PRSS58: variants seen among roughly 807,000 people sequenced by gnomAD.
PRSS58 encodes serine protease 58, also known as protease, serine 58.
Under a neutral mutation model 25.0 loss-of-function variants are expected in PRSS58, and 31 were observed. The observed-to-expected ratio is 1.24, with a 90% CI of 0.93 to 1.67. The LOEUF (loss-of-function observed/expected upper bound fraction) is 1.67. PRSS58 is among the 40% of genes most tolerant of loss of function. The pLI, the probability that PRSS58 is intolerant of heterozygous loss-of-function variation, is 0.00. For synonymous variants in PRSS58, 119 were observed against 106.1 expected, an observed-to-expected ratio of 1.12 and a Z score of -0.75; for missense variants, 324 against 287.9, an observed-to-expected ratio of 1.13 and a Z score of -0.91.
At chr7:142,253,308 A>G (rs554901314) in intron 4 of PRSS58, among the ~76,000 whole-genome samples, 1 of 152,304 alleles carries the variant, frequency 6.6e-6, no homozygotes, top group South Asian at 2.1e-4. Flanking sequence ...TCAAAACAAA[A>G]CCGAGTATCT....
intron 4 of PRSS58, among the ~76,000 whole-genome samples, chr7:142,253,919 T>C (rs1256799057): frequency 6.6e-6 from 1 of 152,178 alleles, no homozygotes; most frequent in African/African-American, 2.4e-5. Flanking sequence ...TTCTACTTAT[T>C]GATATATTCA....
chr7:142,257,290 T>A (rs919164074), intron 2 of PRSS58, among the ~76,000 whole-genome samples: 1 of 152,140 alleles, frequency 6.6e-6, no homozygotes, highest in Non-Finnish European at 1.5e-5. Context: ...AGAGAGGATT[T>A]ATGAATAAGC....
At chr7:142,257,632 T>C (rs1165502408) in intron 2 of PRSS58, 36 bp downstream of exon 2, 1 of 1,573,262 alleles carries the variant, frequency 6.4e-7, no homozygotes, top group Non-Finnish European at 8.7e-7. Context: ...AGGATTTCTC[T>C]TTGGTGGGTA....
chr7:142,253,880 A>C (rs945698977), intron 4 of PRSS58, among the ~76,000 whole-genome samples: 2 of 152,182 alleles, frequency 1.3e-5, no homozygotes, highest in Non-Finnish European at 2.9e-5. Context: ...CTTTCCAAAA[A>C]TCAAATTGAC....
At chr7:142,255,462 C>G (rs764288890) in intron 3 of PRSS58, 73 bp downstream of exon 3, 6 of 1,604,742 alleles carry the variant, frequency 3.7e-6, no homozygotes, top group Non-Finnish European at 5.1e-6. Flanking sequence ...GAGATGGTCT[C>G]AGACAGGGGT....
chr7:142,255,447 A>G, intron 3 of PRSS58, 88 bp downstream of exon 3: 1 of 1,598,716 alleles, frequency 6.3e-7, no homozygotes, highest in African/African-American at 1.3e-5. Flanking sequence ...ATCCCATTTA[A>G]TTGGGAGATG....
At chr7:142,257,344 T>C (rs1051769133) in intron 2 of PRSS58, among the ~76,000 whole-genome samples, 5 of 152,232 alleles carry the variant, frequency 3.3e-5, no homozygotes, top group Non-Finnish European at 5.9e-5. Context: ...AGGAGATATC[T>C]GATTCTTCAA....
At chr7:142,255,741 G>C (rs900880660) in intron 2 of PRSS58, 68 bp from the exon 3 acceptor site, 1 of 1,434,950 alleles carries the variant, frequency 7.0e-7, no homozygotes, top group Non-Finnish European at 9.4e-7. Flanking sequence ...CTTCAGGAAA[G>C]TCATTTAATA....
intron 4 of PRSS58, 87 bp from the exon 5 acceptor site, chr7:142,252,698 A>C: frequency 7.3e-7 from 1 of 1,364,800 alleles, no homozygotes; most frequent in Non-Finnish European, 9.9e-7. Flanking sequence ...TTCTACCATC[A>C]GAAATTAAAA....
intron 3 of PRSS58, 86 bp downstream of exon 3, chr7:142,255,449 T>A: frequency 1.3e-6 from 2 of 1,599,128 alleles, no homozygotes; most frequent in Non-Finnish European, 8.6e-7. Flanking sequence ...CCCATTTAAT[T>A]GGGAGATGGT....
rs1344883342 is a variant in PRSS58, at chr7:142,255,228, A to G, written c.263T>C (p.Ile88Thr). 2.5e-6 allele frequency: 4 copies of G among 1,613,904 alleles called. No individual in the cohort carries two copies. Among genetic ancestry groups the G allele is most frequent in the Middle Eastern group, 3.3e-4 (2 of 6,060 alleles). The change falls in exon 4 of 6, where the codon ATT becomes ACT. Residue 88 changes from isoleucine to threonine, a missense_variant. Coordinates refer to ENST00000547058, the MANE Select transcript of PRSS58 (RefSeq NM_001001317.5). ...AGTGACTGAGAAGTGTGGATGATGA[A>G]TCATCTTCTCATAGCCAATCACTTG... is the stretch of plus-strand genomic sequence containing the variant. ...HLQVIGYEKMIHHPHFSVTSI... is the reference protein window; with the variant it reads ...HLQVIGYEKMTHHPHFSVTSI...
rs115730119 is a variant in PRSS58, at chr7:142,255,304, G to A, written c.187C>T (p.Arg63Trp). 4.5e-4 allele frequency: 720 copies of A among 1,613,484 alleles called. 2 individuals carry two copies. In the African/African-American group the frequency reaches 8.3e-3, roughly 19 times the overall value. The change falls in exon 4 of 6, where the codon CGG becomes TGG. Residue 63 changes from arginine to tryptophan, a missense_variant. By Grantham distance (101) the Arg-to-Trp change is moderately radical. Transcript: ENST00000547058. Reference sequence around the variant, plus strand: ...GGGATTGTAACCCCCAATATCACCCGAAGCTTTCTGGAACAATATAGACGT... The same window carrying A: ...GGGATTGTAACCCCCAATATCACCCAAAGCTTTCTGGAACAATATAGACGT... ...TAAHCNLPKL[R>W]VILGVTIPAD...
At chr7:142,253,452 G>A (rs1798501269) in intron 4 of PRSS58, among the ~76,000 whole-genome samples, 1 of 152,162 alleles carries the variant, frequency 6.6e-6, no homozygotes, top group East Asian at 1.9e-4. Flanking sequence ...CACAAATACT[G>A]TGAATTGTGC....
In PRSS58 at chr7:142,257,752, G is replaced by A. The variant is rs1452843172; in HGVS notation, c.-41-4C>T. The A allele has an allele frequency of 3.3e-6, 5 of 1,494,742 alleles. No individual in the cohort carries two copies. Among genetic ancestry groups the A allele is most frequent in the Non-Finnish European group, 4.7e-6 (5 of 1,074,186 alleles). 92.6% of individuals were successfully genotyped at this position (1,494,742 alleles called of 1,614,324 possible). A position where few individuals can be genotyped will look rare whatever the true frequency, so the allele number is the denominator to read the frequency against. ...TTTAGCTCCAGTCTCTGGAAAACTG[G>A]GAAGAGAGAGAGAAAACAACTAAAT... On this transcript the variant is annotated splice_polypyrimidine_tract_variant and splice_region_variant and intron_variant, in intron 1 of 5. Coordinates refer to ENST00000547058, the MANE Select transcript of PRSS58 (RefSeq NM_001001317.5).
In PRSS58 at chr7:142,252,495, G is replaced by A; in HGVS notation, c.553C>T (p.Pro185Ser). The change falls in exon 5 of 6, where the codon CCA becomes TCA. Residue 185 changes from proline (P) to serine (S), a missense_variant. Physicochemically the swap from Pro to Ser is moderately conservative, Grantham distance 74 (BLOSUM62 -1). Transcript: ENST00000547058. ...TENMLCVGIV[P>S]GRRQPCKEVS... ...ACCTTGCAGGGCTGCCTCCTTCCTGGCACAATGCCCACACACAGCATATTT... is the reference window on the plus strand; with the variant it reads ...ACCTTGCAGGGCTGCCTCCTTCCTGACACAATGCCCACACACAGCATATTT... 3 of 1,614,046 alleles carry A rather than the reference G, an allele frequency of 1.9e-6. No individual in the cohort carries two copies. Among genetic ancestry groups the A allele is most frequent in the Non-Finnish European group, 2.5e-6 (3 of 1,179,984 alleles).
At chr7:142,256,241 C>G (rs1798553439) in intron 2 of PRSS58, among the ~76,000 whole-genome samples, 2 of 152,110 alleles carry the variant, frequency 1.3e-5, no homozygotes, top group African/African-American at 2.4e-5. Flanking sequence ...TATTCCTGCT[C>G]TCATATATTA....
chr7:142,257,662 A>T lies in PRSS58; in HGVS notation c.40+6T>A. The stretch of plus-strand genomic sequence containing the variant: ...TGGGTAAAGAGACAAATATGCACAC[A>T]CTCACCAGTCAGATTCAAGAGAGCC... On this transcript the variant is annotated splice_donor_region_variant and intron_variant, in intron 2 of 5. Coordinates refer to ENST00000547058, the MANE Select transcript of PRSS58 (RefSeq NM_001001317.5). 1 of 1,611,306 alleles carries T rather than the reference A, an allele frequency of 6.2e-7. No homozygotes were observed.
At chr7:142,255,732 TTCAGGAAAG>T in intron 2 of PRSS58, 59 bp from the exon 3 acceptor site, 1 of 1,492,906 alleles carries the variant, frequency 6.7e-7, no homozygotes, top group Non-Finnish European at 9.0e-7. Flanking sequence ...CCAGAAAAAC[TTCAGGAAAG>T]TCATTTAATA....
chr7:142,257,604 G>T, intron 2 of PRSS58, 64 bp downstream of exon 2: 2 of 1,393,022 alleles, frequency 1.4e-6, no homozygotes, highest in Non-Finnish European at 2.0e-6. Flanking sequence ...GCTGTTACCC[G>T]TCTTTCATGC....
Sources: gnomAD v4.1 joint callset for allele counts (sites outside exome capture counted in the v4.1 genomes callset) on GRCh38, gnomAD v4.1.1 for gene constraint, MANE v1.5 for transcripts, NCBI Gene and HGNC (gene_info 2026-07-23, HGNC 2026-07-21) for gene names.